PDGFD: variants seen among roughly 807,000 people sequenced by gnomAD.
PDGFD encodes the protein platelet derived growth factor D.
PDGFD carries 30 observed loss-of-function variants against 44.7 expected under a neutral mutation model. The observed-to-expected ratio is 0.67, with a 90% CI of 0.50 to 0.91. PDGFD has a LOEUF of 0.91. Among genes scored for constraint, PDGFD ranks in the 40% least tolerant of loss-of-function variants. PDGFD has a pLI of 0.00. For missense variants in PDGFD, 445 were observed against 457.8 expected (o/e 0.97, Z 0.25); for synonymous variants, 173 against 168.4 (o/e 1.03, Z -0.21).
At chr11:104,070,319 A>T (rs764758661) in intron 1 of PDGFD, among the ~76,000 whole-genome samples, 6 of 152,188 alleles carry the variant, frequency 3.9e-5, no homozygotes, top group Non-Finnish European at 2.9e-5. Context: ...ATTTCAACGC[A>T]TTAGTTCACA....
At chr11:103,980,611 T>C (rs768814414) in intron 3 of PDGFD, among the ~76,000 whole-genome samples, 14 of 152,066 alleles carry the variant, frequency 9.2e-5, no homozygotes, top group Admixed American at 3.3e-4. Context: ...GTGTTTTTCT[T>C]GTGCCAAGGC....
rs1272038319 is a variant in PDGFD at position 103,909,088 on chromosome 11, G to A, written c.*606C>T. On this transcript the variant is annotated 3_prime_UTR_variant, in exon 7 of 7. Transcript: ENST00000393158. ...TATAGTCCACATAGGTAAGTATGCA[G>A]TGCTTCTCATGGAAAAAATGCTTAG... 1 of 152,326 alleles carries A rather than the reference G, an allele frequency of 6.6e-6. No individual in the cohort carries two copies. Among genetic ancestry groups the A allele is most frequent in the Non-Finnish European group, 1.5e-5 (1 of 68,152 alleles). The allele number at this position is 152,326 out of a possible 1,614,324, so 9.4% of individuals were successfully genotyped here.
At position 103,942,247 on chromosome 11, in the gene PDGFD, C is replaced by T. The variant is rs1431795322; in HGVS notation, c.772+1205G>A. On this transcript the variant is annotated intron_variant, in intron 5 of 6. Coordinates refer to ENST00000393158, the MANE Select transcript of PDGFD (RefSeq NM_025208.5). ...CCTTTATATCTACAATGCAAACCAG[C>T]CTTTCGAGACCTTTTAGGGAACATT... Among the ~76,000 whole-genome samples, 3 of 152,030 alleles carry T rather than the reference C, an allele frequency of 2.0e-5. No individual in the cohort carries two copies. The South Asian group carries it at 6.2e-4, about 32-fold the overall frequency.
intron 3 of PDGFD, among the ~76,000 whole-genome samples, chr11:103,948,857 G>A (rs540683556): frequency 1.3e-4 from 20 of 151,742 alleles, no homozygotes; most frequent in Non-Finnish European, 4.4e-5. Context: ...AGTCAAATGC[G>A]GGGTTCAAAA....
At chr11:103,977,988 A>G (rs112240251) in intron 3 of PDGFD, among the ~76,000 whole-genome samples, 247 of 152,220 alleles carry the variant, frequency 1.6e-3, no homozygotes, top group African/African-American at 5.6e-3. Flanking sequence ...AAGTGCTCAG[A>G]AAACAAACTT....
chr11:104,119,392 G>A (rs868075636), intron 1 of PDGFD, among the ~76,000 whole-genome samples: 2 of 10,100 alleles, frequency 2.0e-4, no homozygotes, highest in African/African-American at 6.7e-4. Context: ...TATATAATAT[G>A]ATATAATATA....
intron 3 of PDGFD, among the ~76,000 whole-genome samples, chr11:103,954,983 T>C (rs1008593124): frequency 1.3e-5 from 2 of 149,994 alleles, no homozygotes; most frequent in Non-Finnish European, 3.0e-5. Flanking sequence ...GCTAAAACGG[T>C]GAAACCCCGT....
intron 1 of PDGFD, among the ~76,000 whole-genome samples, chr11:104,147,611 G>T (rs1312670549): frequency 6.6e-6 from 1 of 152,044 alleles, no homozygotes; most frequent in African/African-American, 2.4e-5. Flanking sequence ...TGCAAAAGGA[G>T]TTTTCATAAT....
chr11:104,037,035 C>A (rs748448715), intron 1 of PDGFD: 1 of 1,614,240 alleles, frequency 6.2e-7, no homozygotes, highest in South Asian at 1.1e-5. Context: ...ATGGCGATAT[C>A]GTGGTTTTAC....
chr11:103,986,409 C>T (rs1300222069), intron 3 of PDGFD, among the ~76,000 whole-genome samples: 1 of 152,188 alleles, frequency 6.6e-6, no homozygotes, highest in African/African-American at 2.4e-5. Flanking sequence ...TCACTGTGGG[C>T]TCCCACCCTT....
At chr11:104,102,492 A>C (rs1216058355) in intron 1 of PDGFD, among the ~76,000 whole-genome samples, 1 of 152,228 alleles carries the variant, frequency 6.6e-6, no homozygotes, top group African/African-American at 2.4e-5. Flanking sequence ...ACTGTAAACT[A>C]GTTCAACCAT....
chr11:104,152,994 C>A (rs1240563813), intron 1 of PDGFD, among the ~76,000 whole-genome samples: 2 of 152,084 alleles, frequency 1.3e-5, no homozygotes, highest in East Asian at 3.8e-4. Flanking sequence ...GCATTTCAGG[C>A]AAATATGTTT....
At chr11:104,125,575 T>C (rs1591177402) in intron 1 of PDGFD, among the ~76,000 whole-genome samples, 2 of 152,270 alleles carry the variant, frequency 1.3e-5, no homozygotes, top group South Asian at 2.1e-4. Flanking sequence ...TTATGTATTA[T>C]ATGTACTCAG....
At chr11:103,930,307 G>A (rs1858381740) in intron 5 of PDGFD, among the ~76,000 whole-genome samples, 1 of 152,094 alleles carries the variant, frequency 6.6e-6, no homozygotes, top group Non-Finnish European at 1.5e-5. Context: ...GAGGTGCTTT[G>A]AGATGTAATA....
intron 1 of PDGFD, among the ~76,000 whole-genome samples, chr11:104,095,284 C>T (rs187824176): frequency 8.8e-4 from 134 of 151,940 alleles, no homozygotes; most frequent in African/African-American, 2.7e-3. Context: ...AAGAGTTTGA[C>T]GTTTTTTTTT....
Position 104,063,386 on chromosome 11 carries a change from A to G in PDGFD, c.125-63131T>C, listed in dbSNP as rs1488586927. 2.6e-5 allele frequency among the ~76,000 whole-genome samples: 4 copies of G among 151,796 alleles called. No homozygotes were observed. In the East Asian group the frequency reaches 5.9e-4, roughly 22 times the overall value. ...TGATAAACAAGCAGAAGAGGAATTAATCTGGGTTCTGCAATAATTAGGTTA... is the reference window on the plus strand; with the variant it reads ...TGATAAACAAGCAGAAGAGGAATTAGTCTGGGTTCTGCAATAATTAGGTTA... On this transcript the variant is annotated intron_variant, in intron 1 of 6. Coordinates refer to ENST00000393158, the MANE Select transcript of PDGFD (RefSeq NM_025208.5).
chr11:104,037,610 C>T (rs1049264496), intron 1 of PDGFD: 4 of 1,613,898 alleles, frequency 2.5e-6, no homozygotes, highest in Non-Finnish European at 3.4e-6. Flanking sequence ...GACTCGGGCG[C>T]CCAGATGACC....
chr11:104,158,137 C>G (rs1468997488), intron 1 of PDGFD, among the ~76,000 whole-genome samples: 1 of 152,196 alleles, frequency 6.6e-6, no homozygotes, highest in Non-Finnish European at 1.5e-5. Context: ...AGTGCATTTC[C>G]TCCATTAAAG....
intron 1 of PDGFD, among the ~76,000 whole-genome samples, chr11:104,066,726 G>A (rs951082663): frequency 2.0e-5 from 3 of 152,090 alleles, no homozygotes; most frequent in Non-Finnish European, 2.9e-5. Context: ...ATTCCCTGGT[G>A]TCACTGTTTA....
Sources: allele counts gnomAD v4.1 joint callset (sites outside exome capture counted in the v4.1 genomes callset), GRCh38; gene constraint gnomAD v4.1.1; transcripts MANE v1.5; gene names NCBI Gene and HGNC (gene_info 2026-07-23, HGNC 2026-07-21).